Variants in ADAM19 observed in about 807,000 individuals in gnomAD.
ADAM19 encodes disintegrin and metalloproteinase domain-containing protein 19.
Under a neutral mutation model 114.7 loss-of-function variants are expected in ADAM19, and 65 were observed. The observed-to-expected ratio is 0.57, with a 90% CI of 0.46 to 0.70. The LOEUF (loss-of-function observed/expected upper bound fraction) is 0.70. Ranked by LOEUF, ADAM19 falls within the 30% of genes least tolerant of loss-of-function variation. The probability of loss-of-function intolerance (pLI) is 0.00; values close to 1 mark genes in which losing one functional copy is unlikely to be tolerated. For missense variants in ADAM19, 1,063 were observed against 1,204.7 expected, an observed-to-expected ratio of 0.88 and a Z score of 1.74; for synonymous variants, 466 against 460.5, an observed-to-expected ratio of 1.01 and a Z score of -0.15.
At chr5:157,536,624 TCACA>T (rs140225679) in intron 4 of ADAM19, among the ~76,000 whole-genome samples, 3 of 149,760 alleles carry the variant, frequency 2.0e-5, no homozygotes. Context: ...TGAAACTCTG[TCACA>T]CACACACACA....
At chr5:157,489,810 A>AC (rs1484940504) in intron 19 of ADAM19, among the ~76,000 whole-genome samples, 12 of 152,070 alleles carry the variant, frequency 7.9e-5, no homozygotes, top group African/African-American at 2.9e-4. Context: ...ACATGGTGAA[A>AC]CCCCGTCTCT....
Position 157,488,404 on chromosome 5 carries a change from G to A in ADAM19, c.2411C>T (p.Pro804Leu), listed in dbSNP as rs753820265. 4 of 1,614,100 alleles carry A rather than the reference G, an allele frequency of 2.5e-6. No individual in the cohort carries two copies. In the Middle Eastern group the frequency reaches 5.0e-4, roughly 200 times the overall value. ...GCTCAGGTGAGCTGGCAGTGGTGCA[G>A]GTGGGGACCCACCACGCAGATAATC... ...PPDYLRGGSP[P>L]APLPAHLSRA... The change falls in exon 21 of 23, where the codon CCT becomes CTT. Residue 804 changes from proline (P) to leucine (L), a missense_variant. Transcript: ENST00000257527.
At chr5:157,491,138 TA>T (rs944636369) in intron 18 of ADAM19, among the ~76,000 whole-genome samples, 16 of 150,010 alleles carry the variant, frequency 1.1e-4, no homozygotes, top group East Asian at 3.9e-4. Context: ...CTATTTTTTT[TA>T]AAAAAAAAAC....
intron 3 of ADAM19, 108 bp downstream of exon 3, chr5:157,564,265 G>A (rs1020519276): frequency 5.0e-6 from 5 of 998,798 alleles, no homozygotes; most frequent in South Asian, 2.6e-5. Flanking sequence ...AGGACTGAGA[G>A]CTTGGGGTCA....
intron 3 of ADAM19, among the ~76,000 whole-genome samples, chr5:157,558,329 T>A (rs1757420015): frequency 6.6e-6 from 1 of 152,226 alleles, no homozygotes; most frequent in Admixed American, 6.5e-5. Flanking sequence ...TATACAACCT[T>A]AGCCATGGGG....
At chr5:157,542,436 A>G (rs1432262265) in intron 3 of ADAM19, among the ~76,000 whole-genome samples, 1 of 152,256 alleles carries the variant, frequency 6.6e-6, no homozygotes, top group Non-Finnish European at 1.5e-5. Context: ...TGGTTTAAGC[A>G]GCAGCTGCAC....
rs1027557447 is a variant in ADAM19 at position 157,489,133 on chromosome 5, A to G, written c.2294T>C (p.Phe765Ser). The change falls in exon 20 of 23, where the codon TTC (phenylalanine) becomes TCC (serine). Residue 765 changes from phenylalanine to serine, a missense_variant. By Grantham distance (155) the Phe-to-Ser change is radical. Transcript: ENST00000257527. ...CTTGCCCTGGGGCGTCTGCAGCTTG[A>G]AAGTTGGGTTGGCATGACCAGTCCC... is the stretch of plus-strand genomic sequence containing the variant. ...NSGTGHANPT[F>S]KLQTPQGKRK... 9.9e-6 allele frequency: 16 copies of G among 1,614,170 alleles called. No individual in the cohort carries two copies. Among genetic ancestry groups the G allele is most frequent in the Non-Finnish European group, 1.4e-5 (16 of 1,180,026 alleles).
In ADAM19 at chr5:157,480,833, G is replaced by A; in HGVS notation, c.*116C>T. 6.5e-7 allele frequency: 1 copy of A among 1,540,670 alleles called. No individual in the cohort carries two copies. Among genetic ancestry groups the A allele is most frequent in the South Asian group, 1.2e-5 (1 of 80,910 alleles). On this transcript the variant is annotated 3_prime_UTR_variant, in exon 23 of 23. Coordinates refer to ENST00000257527, the MANE Select transcript of ADAM19 (RefSeq NM_033274.5). ...ATTTTTGGAGATGTGGAGGTTCCTG[G>A]AGGAGGGTGGGAGGAGCTCAGAGGC...
chr5:157,514,153 C>T (rs1756019363), intron 7 of ADAM19, among the ~76,000 whole-genome samples: 1 of 152,094 alleles, frequency 6.6e-6, no homozygotes, highest in Admixed American at 6.5e-5. Flanking sequence ...GGAAAACGTG[C>T]ACAGAAATAA....
intron 3 of ADAM19, among the ~76,000 whole-genome samples, chr5:157,560,735 G>T (rs895452711): frequency 5.9e-5 from 9 of 152,222 alleles, no homozygotes; most frequent in African/African-American, 2.2e-4. Flanking sequence ...CATAGAAAAG[G>T]TCCAGGGTTT....
intron 21 of ADAM19, among the ~76,000 whole-genome samples, chr5:157,485,473 A>C (rs1447728933): frequency 6.6e-6 from 1 of 152,204 alleles, no homozygotes; most frequent in Non-Finnish European, 1.5e-5. Context: ...TCCTGCCTAA[A>C]GATATCCCAA....
intron 1 of ADAM19, among the ~76,000 whole-genome samples, 159 bp from the exon 2 acceptor site, chr5:157,571,139 C>T (rs766998194): frequency 3.3e-5 from 5 of 152,106 alleles, no homozygotes; most frequent in South Asian, 2.1e-4. Flanking sequence ...CTCTAGGTGT[C>T]GGTGATATTG....
intron 3 of ADAM19, among the ~76,000 whole-genome samples, chr5:157,541,111 C>T (rs191459661): frequency 7.7e-4 from 117 of 152,278 alleles, no homozygotes; most frequent in Non-Finnish European, 1.2e-3. Context: ...AACCAAAGGA[C>T]GCTGCTGTCC....
In ADAM19 at chr5:157,484,897, C is replaced by T. The variant is rs1254562521; in HGVS notation, c.2551-2954G>A. 2.6e-5 allele frequency among the ~76,000 whole-genome samples: 4 copies of T among 152,240 alleles called. No homozygotes were observed. The East Asian group carries it at 7.7e-4, about 29-fold the overall frequency. On this transcript the variant is annotated intron_variant, in intron 21 of 22. Transcript: ENST00000257527. ...GGGGCTGGAGTTTGGGCAGGAGCCTCATCAGCATGTCAGCACTGGGCCTCC... is the reference window on the plus strand; with the variant it reads ...GGGGCTGGAGTTTGGGCAGGAGCCTTATCAGCATGTCAGCACTGGGCCTCC...
rs11465266 is a variant in ADAM19 at position 157,564,198 on chromosome 5, G to T, written c.251+175C>A. Reference sequence around the variant, plus strand: ...TTTAGCAGTCCAGCAATCTCACATCGAGTCAAGAGGCTGTGGAAAGGCTCT... The same window carrying T: ...TTTAGCAGTCCAGCAATCTCACATCTAGTCAAGAGGCTGTGGAAAGGCTCT... On this transcript the variant is annotated intron_variant, in intron 3 of 22. Coordinates refer to ENST00000257527, the MANE Select transcript of ADAM19 (RefSeq NM_033274.5). Among the ~76,000 whole-genome samples the T allele has an allele frequency of 2.3e-3, 356 of 152,294 alleles. 1 individual carries two copies. Among genetic ancestry groups the T allele is most frequent in the Non-Finnish European group, 3.8e-3 (261 of 68,036 alleles).
intron 3 of ADAM19, among the ~76,000 whole-genome samples, chr5:157,544,187 A>G (rs1251828175): frequency 2.6e-5 from 4 of 152,206 alleles, no homozygotes; most frequent in Non-Finnish European, 4.4e-5. Context: ...CTCCTATCCC[A>G]GGGACTCCCT....
At chr5:157,497,697 C>G (rs1242165629) in intron 13 of ADAM19, among the ~76,000 whole-genome samples, 3 of 152,174 alleles carry the variant, frequency 2.0e-5, no homozygotes, top group African/African-American at 7.2e-5. Context: ...GTGTGACATA[C>G]ACGTATCTCG....
At chr5:157,503,168 T>C (rs1214016319) in intron 11 of ADAM19, among the ~76,000 whole-genome samples, 188 bp from the exon 12 acceptor site, 3 of 152,204 alleles carry the variant, frequency 2.0e-5, no homozygotes, top group Admixed American at 1.3e-4. Flanking sequence ...AATTTTTTCA[T>C]CCCTTGAGTT....
chr5:157,516,675 A>G (rs1354323448), intron 7 of ADAM19, among the ~76,000 whole-genome samples: 1 of 152,212 alleles, frequency 6.6e-6, no homozygotes, highest in South Asian at 2.1e-4. Context: ...GTAGCTGAAA[A>G]AAATGACTCA....
Sources: allele counts gnomAD v4.1 joint callset (sites outside exome capture counted in the v4.1 genomes callset), GRCh38; gene constraint gnomAD v4.1.1; transcripts MANE v1.5; gene names NCBI Gene and HGNC (gene_info 2026-07-23, HGNC 2026-07-21).